CIROP: variants seen among roughly 807,000 people sequenced by gnomAD.
CIROP encodes the protein ciliated left-right organizer metallopeptidase, also known as leishmanolysin homolog.
the CIROP span, chr14:23,100,364 A>G: frequency 2.4e-6 from 1 of 411,734 alleles, no homozygotes; most frequent in Non-Finnish European, 4.4e-6. Context: ...ACGGGACTGG[A>G]TGATCGTGTT....
the CIROP span, chr14:23,099,557 C>CT: frequency 0.45 from 136,356 of 304,942 alleles, 25,980 homozygotes; most frequent in Admixed American, 0.59. Context: ...GCGGCATTAC[C>CT]TTTTTTTTTT....
chr14:23,104,304 T>C, the CIROP span: 1 of 693,930 alleles, frequency 1.4e-6, no homozygotes, highest in Non-Finnish European at 2.6e-6. Context: ...CCTATAAGAA[T>C]GAAGATCTGT....
chr14:23,101,871 A>G, the CIROP span: 1 of 702,718 alleles, frequency 1.4e-6, no homozygotes. Context: ...CTGAGGAGCC[A>G]GTCCCACATG....
chr14:23,099,926 CTA>C, the CIROP span: 1 of 168,134 alleles, frequency 5.9e-6, no homozygotes, highest in South Asian at 2.1e-4. Flanking sequence ...AAGAGTCAGT[CTA>C]TGTTCTTTAG....
At chr14:23,102,259 A>C in the CIROP span, 1 of 702,906 alleles carries the variant, frequency 1.4e-6, no homozygotes, top group Admixed American at 2.0e-5. Context: ...CGAGGACAGA[A>C]GGCCCTCCTG....
the CIROP span, chr14:23,103,871 T>A: frequency 1.5e-6 from 1 of 684,664 alleles, no homozygotes; most frequent in African/African-American, 1.8e-5. Flanking sequence ...AGTAGGAAAT[T>A]GGGTATGAGG....
chr14:23,101,965 C>T, the CIROP span: 9 of 701,216 alleles, frequency 1.3e-5, no homozygotes. Flanking sequence ...GCCCAAACAT[C>T]CTTCAGCACC....
chr14:23,104,371 C>T, the CIROP span: 39 of 702,544 alleles, frequency 5.6e-5, no homozygotes, highest in South Asian at 1.0e-4. Context: ...ACATTGTCAA[C>T]GACGTGAACT....
At chr14:23,103,778 T>C in the CIROP span, 1 of 702,914 alleles carries the variant, frequency 1.4e-6, no homozygotes, top group South Asian at 1.5e-5. Flanking sequence ...GGGACCCTGC[T>C]CCGGCCACAA....
chr14:23,104,417 G>C, the CIROP span: 1 of 703,054 alleles, frequency 1.4e-6, no homozygotes, highest in Non-Finnish European at 2.6e-6. Flanking sequence ...GGTCTCCCCA[G>C]ACAGCGTGGC....
chr14:23,102,316 C>A, the CIROP span: 1 of 702,094 alleles, frequency 1.4e-6, no homozygotes, highest in African/African-American at 1.7e-5. Flanking sequence ...TCCTTTCTTC[C>A]ATCACCCCAA....
the CIROP span, chr14:23,103,045 C>T: frequency 4.4e-5 from 24 of 551,654 alleles, no homozygotes; most frequent in South Asian, 6.3e-4. Context: ...TAGGCTATGA[C>T]AGAGGGCTGT....
the CIROP span, chr14:23,100,589 G>A: frequency 1.2e-5 from 5 of 403,546 alleles, no homozygotes; most frequent in South Asian, 5.1e-4. Context: ...CTTGTGCAGT[G>A]TAGCAACTGA....
the CIROP span, chr14:23,099,684 C>G: frequency 5.6e-6 from 2 of 359,074 alleles, no homozygotes; most frequent in Non-Finnish European, 1.0e-5. Context: ...CTCAACCTTC[C>G]GAATAGCTGG....
chr14:23,103,141 G>A, the CIROP span: 6 of 451,902 alleles, frequency 1.3e-5, no homozygotes, highest in Admixed American at 1.9e-4. Context: ...GAGGACCAGG[G>A]GACTCTGCAG....
chr14:23,102,353 C>G, the CIROP span: 1 of 702,084 alleles, frequency 1.4e-6, no homozygotes, highest in Non-Finnish European at 2.6e-6. Flanking sequence ...CCTCTTCTTC[C>G]AAGGGAACAC....
the CIROP span, chr14:23,104,974 T>G: frequency 1.6e-6 from 1 of 640,482 alleles, no homozygotes; most frequent in Admixed American, 2.4e-5. Context: ...TCCGTCCCCT[T>G]GTTCCCTGGC....
chr14:23,104,385 C>T, the CIROP span: 1 of 702,972 alleles, frequency 1.4e-6, no homozygotes, highest in South Asian at 1.5e-5. Flanking sequence ...GTGAACTCAC[C>T]TGTGGTAGTT....
the CIROP span, chr14:23,101,017 A>G: frequency 2.5e-6 from 1 of 399,282 alleles, no homozygotes; most frequent in Middle Eastern, 6.3e-4. Context: ...CAGCATTGAT[A>G]TCTTCATTAG....
Sources: allele counts gnomAD v4.1 joint callset, GRCh38; gene constraint gnomAD v4.1.1; transcripts MANE v1.5; gene names NCBI Gene and HGNC (gene_info 2026-07-23, HGNC 2026-07-21).